Variants in DRC11 observed in about 807,000 individuals in gnomAD.
DRC11 encodes the protein IQ and AAA domain-containing protein 1.
chr2:236,358,114 C>T, the DRC11 span, among the ~76,000 whole-genome samples: 2 of 114,930 alleles, frequency 1.7e-5, no homozygotes, highest in East Asian at 2.5e-4. Context: ...ATATATTATA[C>T]ACTATATGAA....
chr2:236,325,825 A>G, the DRC11 span, among the ~76,000 whole-genome samples: 1 of 152,124 alleles, frequency 6.6e-6, no homozygotes, highest in African/African-American at 2.4e-5. This position sits in a 1 kb window ranked among gnomAD's most constrained non-coding sequence, Gnocchi z 4.4. Flanking sequence ...CTGGTCCTGA[A>G]CTGCTGACCT....
chr2:236,354,347 G>C, the DRC11 span, among the ~76,000 whole-genome samples: 1 of 125,986 alleles, frequency 7.9e-6, no homozygotes, highest in Admixed American at 7.7e-5. Context: ...GTGCATGTGT[G>C]TGTGTGGGGG....
At chr2:236,442,721 C>A in the DRC11 span, among the ~76,000 whole-genome samples, 2 of 152,298 alleles carry the variant, frequency 1.3e-5, no homozygotes, top group African/African-American at 4.8e-5. Context: ...TAATTAATAA[C>A]ACTACAGATC....
the DRC11 span, chr2:236,392,227 C>T: frequency 1.3e-6 from 2 of 1,531,864 alleles, no homozygotes; most frequent in Non-Finnish European, 1.8e-6. This position sits in a 1 kb window ranked among gnomAD's most constrained non-coding sequence, Gnocchi z 5.1. Context: ...GTTACTACAC[C>T]ATAAACGTAG....
chr2:236,466,122 T>C, the DRC11 span, among the ~76,000 whole-genome samples: 2 of 152,120 alleles, frequency 1.3e-5, no homozygotes, highest in Admixed American at 1.3e-4. Context: ...CTACCTTCTG[T>C]TGGATTTATG....
chr2:236,487,945 A>G, the DRC11 span: 4 of 1,235,454 alleles, frequency 3.2e-6, no homozygotes, highest in Non-Finnish European at 4.3e-6. Context: ...ATTGAGATGT[A>G]TCTTTAGTGT....
the DRC11 span, among the ~76,000 whole-genome samples, chr2:236,357,849 TATAA>T: frequency 5.2e-4 from 66 of 125,820 alleles, no homozygotes; most frequent in South Asian, 7.1e-4. Flanking sequence ...ATATGTAATA[TATAA>T]ATATATACTA....
the DRC11 span, among the ~76,000 whole-genome samples, chr2:236,379,259 C>A: frequency 6.7e-6 from 1 of 150,128 alleles, no homozygotes; most frequent in South Asian, 2.1e-4. Context: ...GCGGAGGGAA[C>A]CCCCAAACAG....
At chr2:236,355,721 A>ATCTCTC in the DRC11 span, among the ~76,000 whole-genome samples, 110 of 147,956 alleles carry the variant, frequency 7.4e-4, no homozygotes, top group Middle Eastern at 3.5e-3. Flanking sequence ...CTAATTGTAC[A>ATCTCTC]TCTCTCTCTC....
At chr2:236,312,589 C>T in the DRC11 span, among the ~76,000 whole-genome samples, 6 of 151,498 alleles carry the variant, frequency 4.0e-5, no homozygotes, top group South Asian at 4.2e-4. Flanking sequence ...AGGTCTAAAT[C>T]TATATAGTGA....
the DRC11 span, among the ~76,000 whole-genome samples, chr2:236,312,775 T>A: frequency 6.6e-6 from 1 of 152,010 alleles, no homozygotes; most frequent in Non-Finnish European, 1.5e-5. Flanking sequence ...GAATTTTTAT[T>A]TTTAAAGGAA....
chr2:236,459,064 A>G, the DRC11 span, among the ~76,000 whole-genome samples: 2 of 152,098 alleles, frequency 1.3e-5, no homozygotes, highest in African/African-American at 4.8e-5. Context: ...AAAAAGGCAA[A>G]TGATAAACTG....
At chr2:236,429,058 T>C in the DRC11 span, among the ~76,000 whole-genome samples, 1 of 152,220 alleles carries the variant, frequency 6.6e-6, no homozygotes, top group African/African-American at 2.4e-5. The surrounding 1 kb of genome is among the most constrained non-coding windows in gnomAD (Gnocchi z 5.9). Context: ...CCAGACTTTA[T>C]GGACTGGCTT....
the DRC11 span, among the ~76,000 whole-genome samples, chr2:236,411,159 C>T: frequency 6.6e-6 from 1 of 150,916 alleles, no homozygotes; most frequent in East Asian, 2.0e-4. Context: ...TGACAAAGGG[C>T]TAATATCCAG....
chr2:236,459,589 G>GTA, the DRC11 span, among the ~76,000 whole-genome samples: 2,997 of 118,810 alleles, frequency 0.025, 105 homozygotes, highest in Admixed American at 0.033. Context: ...ACGTATATAC[G>GTA]TATACGTATA....
the DRC11 span, among the ~76,000 whole-genome samples, chr2:236,446,030 T>C: frequency 6.6e-6 from 1 of 152,160 alleles, no homozygotes; most frequent in Admixed American, 6.5e-5. The surrounding 1 kb of genome is among the most constrained non-coding windows in gnomAD (Gnocchi z 6.2). Flanking sequence ...ACTTGGCCAC[T>C]TAGAGCATGT....
chr2:236,394,627 A>T, the DRC11 span, among the ~76,000 whole-genome samples: 1 of 152,110 alleles, frequency 6.6e-6, no homozygotes, highest in South Asian at 2.1e-4. This position sits in a 1 kb window ranked among gnomAD's most constrained non-coding sequence, Gnocchi z 7.0. Context: ...AAAAGAAAAA[A>T]AAAAAAAGTG....
At chr2:236,307,989 G>A in the DRC11 span, among the ~76,000 whole-genome samples, 1 of 151,490 alleles carries the variant, frequency 6.6e-6, no homozygotes, top group African/African-American at 2.4e-5. The surrounding 1 kb of genome is among the most constrained non-coding windows in gnomAD (Gnocchi z 7.0). Context: ...AAGCGTCCTC[G>A]TGTGCTTGCA....
the DRC11 span, among the ~76,000 whole-genome samples, chr2:236,358,002 ATATT>A: frequency 5.8e-4 from 66 of 114,508 alleles, no homozygotes; most frequent in Middle Eastern, 0.012. Context: ...ATATGAATAT[ATATT>A]TATAATATAT....
Sources: allele counts gnomAD v4.1 joint callset (sites outside exome capture counted in the v4.1 genomes callset), GRCh38; gene constraint gnomAD v4.1.1; non-coding constraint Gnocchi (gnomAD v3.1); transcripts MANE v1.5; gene names NCBI Gene and HGNC (gene_info 2026-07-23, HGNC 2026-07-21).